Variants in PCDHA11 observed in about 807,000 individuals in gnomAD.
PCDHA11 encodes protocadherin alpha 11.
PCDHA11 carries 61 observed loss-of-function variants against 70.3 expected under a neutral mutation model. The ratio of observed to expected loss-of-function variants is 0.87; its 90% CI spans 0.71 to 1.07. The LOEUF is 1.07. Among genes scored for constraint, PCDHA11 ranks in the 50% least tolerant of loss-of-function variants. PCDHA11 has a pLI of 0.00. For missense variants in PCDHA11, 1,324 were observed against 1,237.5 expected, an observed-to-expected ratio of 1.07 and a Z score of -1.05; for synonymous variants, 633 against 555.1, an observed-to-expected ratio of 1.14 and a Z score of -1.97.
intron 3 of PCDHA11, among the ~76,000 whole-genome samples, chr5:140,988,304 C>T (rs1554250029): frequency 6.6e-6 from 1 of 152,308 alleles, no homozygotes; most frequent in African/African-American, 2.4e-5. Flanking sequence ...GGAGTGCCAG[C>T]TTGGCTTGGC....
At chr5:140,970,082 G>C (rs1203003794) in intron 1 of PCDHA11, among the ~76,000 whole-genome samples, 1 of 152,178 alleles carries the variant, frequency 6.6e-6, no homozygotes, top group Non-Finnish European at 1.5e-5. Context: ...TGGATTAGGG[G>C]TGTGGGGGGA....
chr5:141,008,300 C>G (rs1272725012), intron 3 of PCDHA11, among the ~76,000 whole-genome samples: 3 of 152,162 alleles, frequency 2.0e-5, no homozygotes, highest in African/African-American at 7.2e-5. Context: ...GTACCCAACC[C>G]TAAACTGTAA....
At chr5:140,878,110 A>T in intron 1 of PCDHA11, 1 of 249,264 alleles carries the variant, frequency 4.0e-6, no homozygotes, top group South Asian at 1.2e-4. Context: ...CTTGAAAAAA[A>T]CAGTATATTA....
chr5:140,976,644 A>G (rs1487728765), intron 1 of PCDHA11, among the ~76,000 whole-genome samples: 1 of 152,228 alleles, frequency 6.6e-6, no homozygotes, highest in Admixed American at 6.5e-5. Context: ...CAGACAAGTA[A>G]TTTAATCTCT....
intron 3 of PCDHA11, among the ~76,000 whole-genome samples, chr5:140,988,509 TA>T (rs2097301045): frequency 6.6e-6 from 1 of 152,170 alleles, no homozygotes; most frequent in Non-Finnish European, 1.5e-5. Flanking sequence ...CCATGAAGCT[TA>T]CTTAAGTCTC....
At chr5:140,951,431 G>A (rs1003684083) in intron 1 of PCDHA11, among the ~76,000 whole-genome samples, 1 of 152,044 alleles carries the variant, frequency 6.6e-6, no homozygotes, top group Non-Finnish European at 1.5e-5. Context: ...TCCACAGGCT[G>A]TAGGAAGCAT....
intron 1 of PCDHA11, among the ~76,000 whole-genome samples, chr5:140,873,809 C>T (rs1554166897): frequency 6.6e-6 from 1 of 152,138 alleles, no homozygotes; most frequent in Non-Finnish European, 1.5e-5. Context: ...TACAGGCATG[C>T]ACCACCACTC....
At chr5:140,963,722 T>G (rs948660694) in intron 1 of PCDHA11, among the ~76,000 whole-genome samples, 2 of 152,242 alleles carry the variant, frequency 1.3e-5, no homozygotes, top group Non-Finnish European at 2.9e-5. Flanking sequence ...ACATATAGAC[T>G]GCCAACTAAG....
intron 1 of PCDHA11, among the ~76,000 whole-genome samples, chr5:140,939,247 T>C (rs1413301027): frequency 6.6e-6 from 1 of 152,246 alleles, no homozygotes; most frequent in South Asian, 2.1e-4. Context: ...GCAAGGTAGC[T>C]CTCTGGAACC....
chr5:140,882,374 C>G, intron 1 of PCDHA11: 1 of 1,614,186 alleles, frequency 6.2e-7, no homozygotes, highest in Non-Finnish European at 8.5e-7. Context: ...CTACTCCGTC[C>G]CCGAGGAAGC....
intron 1 of PCDHA11, among the ~76,000 whole-genome samples, chr5:140,942,323 T>C (rs1489572732): frequency 6.6e-6 from 1 of 151,970 alleles, no homozygotes; most frequent in Non-Finnish European, 1.5e-5. Flanking sequence ...GGCACAAGAA[T>C]CACTTGAACC....
At chr5:140,985,129 G>T (rs545746675) in intron 3 of PCDHA11, among the ~76,000 whole-genome samples, 15 of 152,188 alleles carry the variant, frequency 9.9e-5, no homozygotes, top group Admixed American at 8.5e-4. Context: ...AGTAAAGACG[G>T]GGTTTCACCG....
intron 1 of PCDHA11, among the ~76,000 whole-genome samples, chr5:140,892,396 T>G (rs1263522999): frequency 1.3e-5 from 2 of 152,212 alleles, no homozygotes; most frequent in Non-Finnish European, 2.9e-5. Context: ...TCTTAATCTA[T>G]TTCAAGCTTC....
intron 3 of PCDHA11, among the ~76,000 whole-genome samples, chr5:141,005,068 A>C (rs1314916800): frequency 6.6e-6 from 1 of 152,256 alleles, no homozygotes. Flanking sequence ...GCATTGTGCT[A>C]AGGATCAAGC....
chr5:140,964,472 T>A (rs1160731930), intron 1 of PCDHA11, among the ~76,000 whole-genome samples: 1 of 152,074 alleles, frequency 6.6e-6, no homozygotes, highest in Non-Finnish European at 1.5e-5. Context: ...GTGCCTATGA[T>A]TTTTTCACAG....
chr5:140,903,163 G>T (rs2070058285), intron 1 of PCDHA11, among the ~76,000 whole-genome samples: 1 of 152,096 alleles, frequency 6.6e-6, no homozygotes, highest in Non-Finnish European at 1.5e-5. Flanking sequence ...GGTTGTGCTG[G>T]TTTACATTCC....
At chr5:140,876,568 G>C (rs1302204057) in intron 1 of PCDHA11, 2 of 1,614,046 alleles carry the variant, frequency 1.2e-6, no homozygotes, top group African/African-American at 1.3e-5. Context: ...TGCTCAGGTG[G>C]GTACCGTCAT....
chr5:140,966,803 C>G, intron 1 of PCDHA11: 1 of 1,542,484 alleles, frequency 6.5e-7, no homozygotes, highest in Non-Finnish European at 8.7e-7. Context: ...GGCGACAGAG[C>G]ATCCACGGCT....
At chr5:140,980,437 C>G (rs1586844281) in intron 2 of PCDHA11, among the ~76,000 whole-genome samples, 1 of 152,156 alleles carries the variant, frequency 6.6e-6, no homozygotes, top group Admixed American at 6.5e-5. Flanking sequence ...CGAGACCATC[C>G]TGGACAACAC....
Sources: allele counts gnomAD v4.1 joint callset (sites outside exome capture counted in the v4.1 genomes callset), GRCh38; gene constraint gnomAD v4.1.1; transcripts MANE v1.5; gene names NCBI Gene and HGNC (gene_info 2026-07-23, HGNC 2026-07-21).